PDSS2: variants seen among roughly 807,000 people sequenced by gnomAD.
PDSS2 encodes the protein decaprenyl diphosphate synthase subunit 2, also known as all trans-polyprenyl-diphosphate synthase PDSS2.
A neutral mutation model predicts 44.5 loss-of-function variants in PDSS2; 31 were observed. That is an observed-to-expected ratio of 0.70 (90% CI 0.52 to 0.94). PDSS2 has a LOEUF of 0.94. Among genes scored for constraint, PDSS2 ranks in the 40% least tolerant of loss-of-function variants. PDSS2 has a pLI of 0.00. For missense variants in PDSS2, 452 were observed against 482.2 expected (o/e 0.94, Z 0.59); for synonymous variants, 157 against 180.3 (o/e 0.87, Z 1.03).
At chr6:107,297,871 G>A (rs544085230) in intron 2 of PDSS2, among the ~76,000 whole-genome samples, 9 of 151,930 alleles carry the variant, frequency 5.9e-5, no homozygotes, top group South Asian at 2.1e-4. Context: ...TCGGACACCC[G>A]AGTAGCTGGG....
intron 4 of PDSS2, among the ~76,000 whole-genome samples, chr6:107,215,803 T>C (rs17068076): frequency 0.2 from 30,161 of 152,078 alleles, 3,634 homozygotes; most frequent in East Asian, 0.33. Flanking sequence ...ATAAATAGGA[T>C]CTTTTCTTTC....
intron 2 of PDSS2, among the ~76,000 whole-genome samples, chr6:107,324,079 CT>C (rs1777464791): frequency 6.6e-6 from 1 of 152,124 alleles, no homozygotes; most frequent in Non-Finnish European, 1.5e-5. Context: ...CATAAAGAGC[CT>C]TCCCTTTTCT....
chr6:107,415,867 A>G (rs1297387777), intron 1 of PDSS2, among the ~76,000 whole-genome samples: 3 of 152,230 alleles, frequency 2.0e-5, no homozygotes, highest in Non-Finnish European at 4.4e-5. Context: ...TTCACTTAGT[A>G]AAATGTACTC....
At chr6:107,309,929 G>A (rs950261109) in intron 2 of PDSS2, among the ~76,000 whole-genome samples, 3 of 152,056 alleles carry the variant, frequency 2.0e-5, no homozygotes, top group African/African-American at 7.3e-5. Flanking sequence ...CCACAGGCTG[G>A]GTGGCTTAAA....
chr6:107,347,978 C>CA (rs1315842299), intron 1 of PDSS2, among the ~76,000 whole-genome samples: 6 of 152,154 alleles, frequency 3.9e-5, no homozygotes, highest in Non-Finnish European at 7.3e-5. Context: ...ACCCCCCACA[C>CA]AGTTTTCCTT....
chr6:107,237,370 A>G (rs1467117261), intron 4 of PDSS2, among the ~76,000 whole-genome samples: 2 of 151,844 alleles, frequency 1.3e-5, no homozygotes, highest in Admixed American at 6.6e-5. Flanking sequence ...CAGCCTCCCA[A>G]GTAACTGGGA....
intron 6 of PDSS2, among the ~76,000 whole-genome samples, chr6:107,201,980 C>T (rs1772794192): frequency 6.6e-6 from 1 of 152,136 alleles, no homozygotes; most frequent in South Asian, 2.1e-4. Context: ...CATAAGGATG[C>T]TCACCCCTAG....
chr6:107,264,635 T>G, intron 3 of PDSS2: 1 of 619,168 alleles, frequency 1.6e-6, no homozygotes, highest in Non-Finnish European at 2.8e-6. Context: ...ACAGTCTTAT[T>G]TGCACTGTGG....
chr6:107,239,237 A>G (rs1013332813), intron 4 of PDSS2, among the ~76,000 whole-genome samples: 62 of 152,334 alleles, frequency 4.1e-4, no homozygotes, highest in African/African-American at 1.3e-3. Context: ...AGATTGTGCC[A>G]CTGCACTCCA....
intron 1 of PDSS2, among the ~76,000 whole-genome samples, chr6:107,338,148 G>T (rs1191831201): frequency 6.6e-6 from 1 of 152,054 alleles, no homozygotes; most frequent in African/African-American, 2.4e-5. Flanking sequence ...AACCAAAAGA[G>T]AATATGAAAT....
At chr6:107,213,510 C>T (rs1773300959) in intron 4 of PDSS2, among the ~76,000 whole-genome samples, 1 of 151,964 alleles carries the variant, frequency 6.6e-6, no homozygotes. Flanking sequence ...CCTGTAATCC[C>T]AGCACTTTGG....
intron 3 of PDSS2, among the ~76,000 whole-genome samples, chr6:107,250,871 T>C (rs980361879): frequency 6.6e-5 from 10 of 152,168 alleles, no homozygotes; most frequent in Non-Finnish European, 1.5e-5. Context: ...TTTTTTTTTT[T>C]TGGAGACGGA....
At chr6:107,195,996 TAA>T (rs975857008) in intron 6 of PDSS2, among the ~76,000 whole-genome samples, 2 of 152,228 alleles carry the variant, frequency 1.3e-5, no homozygotes, top group African/African-American at 4.8e-5. Flanking sequence ...CAATCTACTA[TAA>T]AAAGAGTAAG....
At chr6:107,299,588 ACTGCACCTCCTCCAT>A (rs1440717685) in intron 2 of PDSS2, among the ~76,000 whole-genome samples, 3 of 151,922 alleles carry the variant, frequency 2.0e-5, no homozygotes, top group African/African-American at 7.3e-5. Context: ...TTTCACACTC[ACTGCACCTCCTCCAT>A]GCTGCTGTAC....
intron 1 of PDSS2, among the ~76,000 whole-genome samples, chr6:107,391,110 C>G (rs1178218363): frequency 2.5e-5 from 1 of 39,680 alleles, no homozygotes; most frequent in Non-Finnish European, 4.7e-5. Flanking sequence ...TTAGAACCAC[C>G]TTTTTGCTCA....
intron 1 of PDSS2, among the ~76,000 whole-genome samples, chr6:107,396,253 T>G (rs535698447): frequency 6.6e-6 from 1 of 152,292 alleles, no homozygotes; most frequent in Non-Finnish European, 1.5e-5. Flanking sequence ...GTCTGTTATA[T>G]CACCTTGCAC....
chr6:107,444,184 C>T (rs773474398), intron 1 of PDSS2, among the ~76,000 whole-genome samples: 1 of 152,054 alleles, frequency 6.6e-6, no homozygotes, highest in Non-Finnish European at 1.5e-5. Flanking sequence ...CACACCACCA[C>T]ACCCAGCTAC....
chr6:107,220,009 C>A (rs1218100128), intron 4 of PDSS2, among the ~76,000 whole-genome samples: 1 of 152,118 alleles, frequency 6.6e-6, no homozygotes, highest in Non-Finnish European at 1.5e-5. Flanking sequence ...AGAAGCCGGA[C>A]ACAAGAGACC....
intron 3 of PDSS2, among the ~76,000 whole-genome samples, chr6:107,266,976 T>C (rs1363598808): frequency 1.3e-5 from 2 of 152,226 alleles, no homozygotes; most frequent in South Asian, 2.1e-4. Context: ...TGTTAAATAT[T>C]AGTCCCATAA....
Sources: gnomAD v4.1 joint callset for allele counts (sites outside exome capture counted in the v4.1 genomes callset) on GRCh38, gnomAD v4.1.1 for gene constraint, MANE v1.5 for transcripts, NCBI Gene and HGNC (gene_info 2026-07-23, HGNC 2026-07-21) for gene names.